The following ANK2 variants were observed in gnomAD, a reference collection of about 807,000 sequenced individuals.
ANK2 encodes the protein ankyrin 2.
Under a neutral mutation model 360.5 loss-of-function variants are expected in ANK2, and 83 were observed. The ratio of observed to expected loss-of-function variants is 0.23; its 90% CI spans 0.19 to 0.28. The LOEUF (loss-of-function observed/expected upper bound fraction) is 0.28. Ranked by LOEUF, ANK2 falls within the 10% of genes least tolerant of loss-of-function variation. The probability of loss-of-function intolerance (pLI) is 1.00; values close to 1 mark genes in which losing one functional copy is unlikely to be tolerated. For synonymous variants in ANK2, 1,740 were observed against 1,759.5 expected (o/e 0.99, Z 0.28); for missense variants, 4,201 against 4,795.7 (o/e 0.88, Z 3.66).
intron 23 of ANK2, among the ~76,000 whole-genome samples, chr4:113,308,554 A>G (rs1047496379): frequency 6.6e-6 from 1 of 152,222 alleles, no homozygotes; most frequent in Non-Finnish European, 1.5e-5. Context: ...CAGGGAAGAA[A>G]GACTCAAAAA....
At chr4:112,883,101 C>T (rs535957152) in intron 1 of ANK2, among the ~76,000 whole-genome samples, 78 of 121,678 alleles carry the variant, frequency 6.4e-4, no homozygotes, top group African/African-American at 2.2e-3. Flanking sequence ...TGCAGTGGTG[C>T]GATCTTGGCT....
At chr4:113,338,391 T>G (rs759634305) in intron 31 of ANK2, among the ~76,000 whole-genome samples, 12 of 152,198 alleles carry the variant, frequency 7.9e-5, no homozygotes, top group Non-Finnish European at 1.3e-4. Flanking sequence ...GATATTCATT[T>G]ATTTTTTCAT....
In ANK2 at chr4:112,898,559, T is replaced by A. The variant is rs185504259; in HGVS notation, c.-39-5896T>A. Among the ~76,000 whole-genome samples, 3 of 152,308 alleles carry A rather than the reference T, an allele frequency of 2.0e-5. No homozygotes were observed. The East Asian group carries it at 5.8e-4, about 29-fold the overall frequency. On this transcript the variant is annotated intron_variant, in intron 1 of 30. Coordinates refer to the ANK2 transcript ENST00000503271. ...ATGACAGTGCTGTTGATGTGAACTC[T>A]GGTCACTTGGCTGACAGTGTTTATA...
intron 2 of ANK2, among the ~76,000 whole-genome samples, chr4:112,932,619 G>C (rs1561159078): frequency 6.6e-6 from 1 of 150,778 alleles, no homozygotes; most frequent in Non-Finnish European, 1.5e-5. Flanking sequence ...TTAGTCCAAA[G>C]TTTAAGTTGT....
At chr4:112,744,407 C>G in the ANK2 span, among the ~76,000 whole-genome samples, 1 of 146,456 alleles carries the variant, frequency 6.8e-6, no homozygotes, top group East Asian at 2.1e-4. Context: ...AGTGCAGTGG[C>G]ACGACCTCGG....
Position 113,354,179 on chromosome 4 carries a change from A to G in ANK2, c.5561A>G (p.His1854Arg). 6.2e-7 allele frequency: 1 copy of G among 1,613,796 alleles called. No homozygotes were observed. Among genetic ancestry groups the G allele is most frequent in the Non-Finnish European group, 8.5e-7 (1 of 1,179,882 alleles). Reference sequence around the variant, plus strand: ...TCACCATCAAGTAAAACTGAGAAACACTCACCTGTGTCACCCTCTGCAAAA... The same window carrying G: ...TCACCATCAAGTAAAACTGAGAAACGCTCACCTGTGTCACCCTCTGCAAAA... ...PVSPSSKTEK[H>R]SPVSPSAKTE... Residue 1854 changes from histidine to arginine, a missense_variant, in exon 38 of 46, where the codon CAC becomes CGC. Physicochemically the swap from His to Arg is conservative, Grantham distance 29. Transcript: ENST00000357077.
intron 1 of ANK2, among the ~76,000 whole-genome samples, chr4:113,089,959 ATTT>A (rs1215560420): frequency 6.6e-6 from 1 of 152,194 alleles, no homozygotes; most frequent in Non-Finnish European, 1.5e-5. Flanking sequence ...AATATGTGGT[ATTT>A]TTTATTAAGT....
At chr4:113,290,873 G>A (rs2067199032) in intron 20 of ANK2, among the ~76,000 whole-genome samples, 1 of 152,112 alleles carries the variant, frequency 6.6e-6, no homozygotes, top group Admixed American at 6.5e-5. Flanking sequence ...TATGACAGTG[G>A]ATTAAGAATC....
intron 1 of ANK2, among the ~76,000 whole-genome samples, chr4:113,083,926 G>A (rs2083443523): frequency 6.6e-6 from 1 of 152,126 alleles, no homozygotes; most frequent in Admixed American, 6.5e-5. Context: ...TCATGGTTTA[G>A]CACAAAACAT....
intron 1 of ANK2, among the ~76,000 whole-genome samples, chr4:113,172,278 G>T (rs902848471): frequency 6.6e-6 from 1 of 152,116 alleles, no homozygotes; most frequent in Non-Finnish European, 1.5e-5. Context: ...TAGACCAAAG[G>T]CATAACTGGG....
chr4:112,949,314 C>T (rs571651256), intron 2 of ANK2, among the ~76,000 whole-genome samples: 1 of 152,230 alleles, frequency 6.6e-6, no homozygotes, highest in Admixed American at 6.5e-5. Context: ...CATTCTCTTC[C>T]TAAAATTTTC....
intron 24 of ANK2, chr4:113,317,415 C>G: frequency 2.3e-6 from 1 of 425,720 alleles, no homozygotes; most frequent in South Asian, 2.2e-5. Context: ...TAATAAACTA[C>G]AGTTGCTGGT....
intron 17 of ANK2, among the ~76,000 whole-genome samples, 164 bp from the exon 18 acceptor site, chr4:113,282,511 C>T (rs770997915): frequency 4.6e-5 from 7 of 152,052 alleles, no homozygotes; most frequent in Non-Finnish European, 8.8e-5. Context: ...TGTAGAGATT[C>T]GGTTATTGTT....
intron 2 of ANK2, among the ~76,000 whole-genome samples, chr4:113,027,425 A>G (rs893483347): frequency 6.6e-6 from 1 of 152,096 alleles, no homozygotes; most frequent in East Asian, 1.9e-4. Context: ...AGTCTGAGCC[A>G]AGAGTGTTCT....
rs1363521182 is a variant in ANK2 at position 113,093,111 on chromosome 4, T to C, written c.84+43299T>C. Among the ~76,000 whole-genome samples the C allele has an allele frequency of 2.0e-5, 3 of 152,314 alleles. No individual in the cohort carries two copies. The South Asian group carries it at 6.2e-4, about 32-fold the overall frequency. On this transcript the variant is annotated intron_variant, in intron 1 of 45. Coordinates refer to ENST00000357077, the MANE Select transcript of ANK2 (RefSeq NM_001148.6). ...CCTTAACATGCTTATAGTGCAGTTA[T>C]ATAGATTTATAGAACTGGCAGTAAC...
At chr4:113,133,189 A>G (rs908423865) in intron 1 of ANK2, among the ~76,000 whole-genome samples, 1 of 152,160 alleles carries the variant, frequency 6.6e-6, no homozygotes, top group African/African-American at 2.4e-5. Context: ...TCTGAAGATG[A>G]CTTCATTATG....
At chr4:112,938,425 T>C (rs1181247365) in intron 2 of ANK2, among the ~76,000 whole-genome samples, 1 of 152,210 alleles carries the variant, frequency 6.6e-6, no homozygotes, top group Non-Finnish European at 1.5e-5. Flanking sequence ...GCTATATGTG[T>C]TGGGGTATGA....
chr4:113,016,644 C>T (rs796521975), intron 2 of ANK2, among the ~76,000 whole-genome samples: 10 of 152,196 alleles, frequency 6.6e-5, no homozygotes, highest in African/African-American at 2.4e-4. Flanking sequence ...CCATCTCCCC[C>T]AACATAAGTT....
intron 41 of ANK2, among the ~76,000 whole-genome samples, chr4:113,366,391 C>CTTTTTTTT (rs58588518): frequency 6.5e-5 from 7 of 108,346 alleles, no homozygotes; most frequent in Admixed American, 1.9e-4. Context: ...TTCTTGCTTC[C>CTTTTTTTT]TTTTTTTTTT....
Sources: gnomAD v4.1 joint callset for allele counts (sites outside exome capture counted in the v4.1 genomes callset) on GRCh38, gnomAD v4.1.1 for gene constraint, MANE v1.5 for transcripts, NCBI Gene and HGNC (gene_info 2026-07-23, HGNC 2026-07-21) for gene names.